The following IL23R variants were observed in gnomAD, a reference collection of about 807,000 sequenced individuals.
IL23R encodes the protein interleukin 23 receptor, also known as interleukin-23 receptor.
Under a neutral mutation model 56.9 loss-of-function variants are expected in IL23R, and 34 were observed. That is an observed-to-expected ratio of 0.60 (90% CI 0.45 to 0.80). The LOEUF is 0.80. IL23R is among the 30% of genes least tolerant of loss of function. IL23R has a pLI of 0.00. For synonymous variants in IL23R, 230 were observed against 249.2 expected, an observed-to-expected ratio of 0.92 and a Z score of 0.73; for missense variants, 635 against 730.0, an observed-to-expected ratio of 0.87 and a Z score of 1.50.
intron 1 of IL23R, among the ~76,000 whole-genome samples, chr1:67,144,488 CAT>C (rs753788155): frequency 3.9e-5 from 6 of 152,342 alleles, no homozygotes; most frequent in Non-Finnish European, 7.3e-5. Flanking sequence ...ATTATAGTCA[CAT>C]GTCTTCTTAA....
At chr1:67,257,703 AT>A (rs1001533429) in intron 10 of IL23R, among the ~76,000 whole-genome samples, 183 of 152,020 alleles carry the variant, frequency 1.2e-3, no homozygotes, top group African/African-American at 4.3e-3. Context: ...TTATTTATTT[AT>A]TTGTTGTTTT....
At chr1:67,185,980 A>G (rs1056032884) in intron 4 of IL23R, among the ~76,000 whole-genome samples, 1 of 152,230 alleles carries the variant, frequency 6.6e-6, no homozygotes, top group African/African-American at 2.4e-5. Flanking sequence ...TGGGGAGCTC[A>G]CATTACCTCT....
At chr1:67,218,282 A>G (rs2100220861) in intron 6 of IL23R, among the ~76,000 whole-genome samples, 1 of 150,866 alleles carries the variant, frequency 6.6e-6, no homozygotes, top group East Asian at 1.9e-4. Flanking sequence ...ATATATATAT[A>G]TATACATACA....
At chr1:67,171,695 AAGTTTCAGCT>A (rs1274922114) in intron 3 of IL23R, among the ~76,000 whole-genome samples, 2 of 152,070 alleles carry the variant, frequency 1.3e-5, no homozygotes, top group Admixed American at 1.3e-4. Context: ...TGCTTCCTTA[AAGTTTCAGCT>A]TGGTTATATG....
At chr1:67,250,446 A>T (rs1360954305) in intron 9 of IL23R, among the ~76,000 whole-genome samples, 1 of 152,174 alleles carries the variant, frequency 6.6e-6, no homozygotes, top group Non-Finnish European at 1.5e-5. Context: ...CTAATTCCAC[A>T]TGTCCCCAGG....
chr1:67,150,953 T>G (rs1646723549), intron 1 of IL23R, among the ~76,000 whole-genome samples: 1 of 152,318 alleles, frequency 6.6e-6, no homozygotes, highest in South Asian at 2.1e-4. Context: ...TTATTTATAT[T>G]CTTTTGAGTA....
At chr1:67,162,890 A>T (rs1351427238), upstream of IL23R, among the ~76,000 whole-genome samples, 1 of 152,218 alleles carries the variant, frequency 6.6e-6, no homozygotes, top group Admixed American at 6.5e-5. Flanking sequence ...GAAAGAGCAC[A>T]TATGGAATTT....
chr1:67,225,542 C>T lies in IL23R; in HGVS notation c.955+5812C>T, dbSNP rs568667518. Among the ~76,000 whole-genome samples the T allele has an allele frequency of 8.0e-5, 12 of 150,526 alleles. No homozygotes were observed. The Middle Eastern group carries it at 0.014, about 171-fold the overall frequency. On this transcript the variant is annotated intron_variant, in intron 7 of 10. Transcript: ENST00000347310. ...ACTTTTTTTTTTTTTGATACAGTCTCGCTCTGTCACCCAGGCTAGAGTGTA... is the reference window on the plus strand; with the variant it reads ...ACTTTTTTTTTTTTTGATACAGTCTTGCTCTGTCACCCAGGCTAGAGTGTA...
intron 1 of IL23R, 146 bp downstream of exon 1, chr1:67,166,687 C>T (rs950418235): frequency 6.6e-5 from 10 of 152,304 alleles, no homozygotes; most frequent in Admixed American, 2.6e-4. Context: ...TATTATATGG[C>T]ATCACATTAC....
intron 6 of IL23R, among the ~76,000 whole-genome samples, chr1:67,214,948 T>C (rs979210267): frequency 2.6e-5 from 4 of 151,996 alleles, no homozygotes; most frequent in Non-Finnish European, 4.4e-5. Context: ...ATTCCAGACA[T>C]TGTATAGAAG....
chr1:67,236,918 A>C (rs894709581), intron 8 of IL23R, 116 bp downstream of exon 8: 18 of 717,696 alleles, frequency 2.5e-5, no homozygotes, highest in African/African-American at 2.5e-4. Flanking sequence ...GATATGCCTT[A>C]TGTCTTCCAT....
intron 4 of IL23R, among the ~76,000 whole-genome samples, chr1:67,200,066 G>A (rs569239871): frequency 6.6e-6 from 1 of 152,198 alleles, no homozygotes; most frequent in Non-Finnish European, 1.5e-5. Flanking sequence ...TTGAGACGGA[G>A]TCTCGCTCTG....
At chr1:67,247,552 C>T (rs1207354107) in intron 9 of IL23R, among the ~76,000 whole-genome samples, 1 of 152,174 alleles carries the variant, frequency 6.6e-6, no homozygotes, top group Non-Finnish European at 1.5e-5. Context: ...GATCCGCCCA[C>T]CTTGGCCTCC....
chr1:67,199,161 C>G (rs945364193), intron 4 of IL23R, among the ~76,000 whole-genome samples: 9 of 152,170 alleles, frequency 5.9e-5, no homozygotes, highest in Non-Finnish European at 1.2e-4. Context: ...AGTCCTGATC[C>G]ATCAGTAGCT....
At chr1:67,181,683 C>T (rs1558231936) in intron 3 of IL23R, among the ~76,000 whole-genome samples, 1 of 152,220 alleles carries the variant, frequency 6.6e-6, no homozygotes, top group Non-Finnish European at 1.5e-5. Flanking sequence ...TGAGGAGCTG[C>T]ATTCCTTTGG....
chr1:67,223,275 T>C (rs1042145520), intron 7 of IL23R, among the ~76,000 whole-genome samples: 3 of 146,832 alleles, frequency 2.0e-5, no homozygotes, highest in African/African-American at 7.4e-5. Flanking sequence ...ATAAATAAAG[T>C]AAAATAAAGA....
Position 67,236,791 on chromosome 1 carries a change from AC to A in IL23R, c.1036del (p.Thr347LeufsTer14). 6.2e-7 allele frequency: 1 copy of A among 1,607,600 alleles called. No homozygotes were observed. The highest frequency in any genetic ancestry group is 8.5e-7 in the Non-Finnish European group (1 of 1,174,104). The stretch of plus-strand genomic sequence containing the variant: ...ACAGTTGCTTCCATCTCTACAGGGC[AC>A]CTTACTTCTGGTAAGAAAATACAAC... ...GLTVASISTGHLTSDNRGDIG... is the reference protein window; with the variant it reads ...GLTVASISTGXLTSDNRGDIG... On this transcript the variant is annotated frameshift_variant, in exon 8 of 11. Coordinates refer to ENST00000347310, the MANE Select transcript of IL23R (RefSeq NM_144701.3). LOFTEE classifies it high-confidence loss of function.
chr1:67,200,733 T>C lies in IL23R; in HGVS notation c.492-4T>C. 1 of 1,613,202 alleles carries C rather than the reference T, an allele frequency of 6.2e-7. No homozygotes were observed. Reference sequence around the variant, plus strand: ...TTATGATCATCTTTTTTTTTTGTTTTAAGTTTAGAGACAGAAGAAGAGCAA... The same window carrying C: ...TTATGATCATCTTTTTTTTTTGTTTCAAGTTTAGAGACAGAAGAAGAGCAA... On this transcript the variant is annotated splice_region_variant and splice_polypyrimidine_tract_variant and intron_variant, in intron 4 of 10. Coordinates refer to ENST00000347310, the MANE Select transcript of IL23R (RefSeq NM_144701.3).
Position 67,182,967 on chromosome 1 carries a change from A to G in IL23R, c.491+8A>G, listed in dbSNP as rs746736802. Reference sequence around the variant, plus strand: ...CGTGGTACATGTGAAGAGGTAGGTCACTTCCTCACGGCTTCATATAAGCAG... The same window carrying G: ...CGTGGTACATGTGAAGAGGTAGGTCGCTTCCTCACGGCTTCATATAAGCAG... On this transcript the variant is annotated splice_region_variant and intron_variant, in intron 4 of 10. Transcript: ENST00000347310. 18 of 1,613,700 alleles carry G rather than the reference A, an allele frequency of 1.1e-5. No individual in the cohort carries two copies. The highest frequency in any genetic ancestry group is 1.4e-5 in the Non-Finnish European group (16 of 1,179,772).
Sources: allele counts gnomAD v4.1 joint callset (sites outside exome capture counted in the v4.1 genomes callset), GRCh38; gene constraint gnomAD v4.1.1; transcripts MANE v1.5; gene names NCBI Gene and HGNC (gene_info 2026-07-23, HGNC 2026-07-21).